The following CPQ variants were observed in gnomAD, a reference collection of about 807,000 sequenced individuals.
CPQ encodes the protein carboxypeptidase Q.
Under a neutral mutation model 45.7 loss-of-function variants are expected in CPQ, and 37 were observed. The ratio of observed to expected loss-of-function variants is 0.81; its 90% CI spans 0.62 to 1.07. CPQ has a LOEUF of 1.07. CPQ is among the 50% of genes least tolerant of loss of function. The probability of loss-of-function intolerance (pLI) is 0.00; values close to 1 mark genes in which losing one functional copy is unlikely to be tolerated. For synonymous variants in CPQ, 186 were observed against 205.8 expected (o/e 0.90, Z 0.82); for missense variants, 537 against 572.9 (o/e 0.94, Z 0.64).
chr8:96,667,806 C>A (rs1337094029), intron 1 of CPQ, among the ~76,000 whole-genome samples: 1 of 152,124 alleles, frequency 6.6e-6, no homozygotes, highest in Non-Finnish European at 1.5e-5. Context: ...TGTCTGAAGT[C>A]CTGTCTCTTA....
At chr8:96,856,229 G>T (rs1329564091) in intron 3 of CPQ, among the ~76,000 whole-genome samples, 2 of 152,226 alleles carry the variant, frequency 1.3e-5, no homozygotes. Context: ...GAGCAGGAAT[G>T]TTGTAAGAAG....
intron 3 of CPQ, among the ~76,000 whole-genome samples, chr8:96,874,190 C>T (rs1479737380): frequency 6.6e-6 from 1 of 151,748 alleles, no homozygotes; most frequent in Non-Finnish European, 1.5e-5. Context: ...TTTGCTTTTA[C>T]ACATCTCATA....
In CPQ at chr8:96,955,595, G is replaced by A. The variant is rs996098578; in HGVS notation, c.850-10340G>A. Among the ~76,000 whole-genome samples the A allele has an allele frequency of 1.3e-5, 2 of 152,218 alleles. 1 individual carries two copies. On this transcript the variant is annotated intron_variant, in intron 4 of 7. Coordinates refer to ENST00000220763, the MANE Select transcript of CPQ (RefSeq NM_016134.4). ...ATCCTAAGCCAAAAGAACAAAGCTG[G>A]AGGCATCACGCTACCTGACTTCAAA...
At chr8:96,672,251 G>A (rs1057418741) in intron 1 of CPQ, among the ~76,000 whole-genome samples, 1 of 152,140 alleles carries the variant, frequency 6.6e-6, no homozygotes, top group Non-Finnish European at 1.5e-5. Flanking sequence ...CCATGGGAAT[G>A]GTGTCCTGTG....
At chr8:97,064,546 A>G (rs756193674) in intron 6 of CPQ, among the ~76,000 whole-genome samples, 2 of 152,192 alleles carry the variant, frequency 1.3e-5, no homozygotes, top group Admixed American at 6.6e-5. Flanking sequence ...TGAGAGCAGA[A>G]ATATGAACAG....
rs569029823 is a variant in CPQ, at chr8:96,709,647, A to C, written c.-35+64245A>C. Among the ~76,000 whole-genome samples, 290 of 152,238 alleles carry C rather than the reference A, an allele frequency of 1.9e-3. 2 individuals carry two copies. The highest frequency in any genetic ancestry group is 6.8e-3 in the African/African-American group (284 of 41,570). Reference sequence around the variant, plus strand: ...GATTGCTGGGTATCTACTTTACTGCATACTCATTTATTCTGAGTACACATA... The same window carrying C: ...GATTGCTGGGTATCTACTTTACTGCCTACTCATTTATTCTGAGTACACATA... On this transcript the variant is annotated intron_variant, in intron 1 of 7. Transcript: ENST00000220763.
At chr8:96,651,117 A>G (rs886612205) in intron 1 of CPQ, among the ~76,000 whole-genome samples, 1 of 152,220 alleles carries the variant, frequency 6.6e-6, no homozygotes, top group Non-Finnish European at 1.5e-5. Flanking sequence ...ACCATTTAAA[A>G]TACAATGGAC....
rs192904632 is a variant in CPQ at position 97,085,606 on chromosome 8, A to G, written c.1255+19396A>G. 1.4e-4 allele frequency among the ~76,000 whole-genome samples: 21 copies of G among 152,228 alleles called. No homozygotes were observed. In the East Asian group the frequency reaches 3.7e-3, roughly 27 times the overall value. On this transcript the variant is annotated intron_variant, in intron 7 of 7. Transcript: ENST00000220763. ...ACCCAGAATATTGACCATTTTTCCT[A>G]TTTTCATCCAAATATTTAATATTGG...
intron 1 of CPQ, among the ~76,000 whole-genome samples, chr8:96,731,415 C>A (rs894026592): frequency 1.3e-5 from 2 of 152,160 alleles, no homozygotes; most frequent in Non-Finnish European, 2.9e-5. Flanking sequence ...TTGGTTTAAT[C>A]TGGGAACTTC....
At chr8:97,133,231 T>C (rs1057355257) in intron 7 of CPQ, 1 of 152,188 alleles carries the variant, frequency 6.6e-6, no homozygotes, top group Non-Finnish European at 1.5e-5. Flanking sequence ...TGTAAATACA[T>C]ATATGTAATT....
intron 5 of CPQ, among the ~76,000 whole-genome samples, chr8:97,007,910 C>T (rs73695754): frequency 0.024 from 3,689 of 152,154 alleles, 104 homozygotes; most frequent in African/African-American, 0.066. Flanking sequence ...AAACTCACTG[C>T]GGTATAATTA....
intron 3 of CPQ, among the ~76,000 whole-genome samples, chr8:96,855,998 T>A (rs1360619365): frequency 6.6e-6 from 1 of 152,134 alleles, no homozygotes; most frequent in East Asian, 1.9e-4. Flanking sequence ...GTTCTGGGAC[T>A]GAAAGAAAGC....
intron 1 of CPQ, among the ~76,000 whole-genome samples, chr8:96,719,447 G>T (rs934081921): frequency 1.3e-5 from 2 of 152,282 alleles, no homozygotes; most frequent in Admixed American, 1.3e-4. Context: ...ACGCAGTCCC[G>T]GTTGCCACTC....
At chr8:97,119,835 A>G (rs1428786989) in intron 7 of CPQ, among the ~76,000 whole-genome samples, 1 of 152,174 alleles carries the variant, frequency 6.6e-6, no homozygotes, top group Admixed American at 6.5e-5. Context: ...AACATTTACA[A>G]GACATGAACT....
chr8:96,906,573 A>G (rs1812580453), intron 4 of CPQ, among the ~76,000 whole-genome samples: 1 of 152,224 alleles, frequency 6.6e-6, no homozygotes, highest in African/African-American at 2.4e-5. Context: ...CATAGCTTAT[A>G]TACAACAGAA....
At chr8:96,785,395 T>C (rs1361222062) in intron 2 of CPQ, 65 bp downstream of exon 2, 1 of 1,241,304 alleles carries the variant, frequency 8.1e-7, no homozygotes, top group Non-Finnish European at 1.1e-6. Flanking sequence ...TGTAATTGAG[T>C]ACAATATGCA....
At position 96,787,525 on chromosome 8, in the gene CPQ, C is replaced by CTT. The variant is rs71267281; in HGVS notation, c.433+2224_433+2225dup. ...TTGTAGTTTCATTTTCTTATAATGT[C>CTT]TTTTTTTTTTTTTTTTTTTTTTTTT... On this transcript the variant is annotated intron_variant, in intron 2 of 7. Transcript: ENST00000220763. 1.6e-3 allele frequency among the ~76,000 whole-genome samples: 74 copies of CTT among 47,586 alleles called. 18 individuals are homozygous for CTT. Among genetic ancestry groups the CTT allele is most frequent in the African/African-American group, 5.0e-3 (62 of 12,402 alleles). 31.2% of individuals were successfully genotyped at this position (47,586 alleles called of 152,430 possible). A position where few individuals can be genotyped will look rare whatever the true frequency, so the allele number is the denominator to read the frequency against.
intron 5 of CPQ, among the ~76,000 whole-genome samples, chr8:96,990,664 C>T (rs1809078056): frequency 6.6e-6 from 1 of 152,174 alleles, no homozygotes; most frequent in African/African-American, 2.4e-5. Context: ...TAATTCCTAT[C>T]ATTGTTGGGA....
At chr8:96,922,160 T>G (rs1812817840) in intron 4 of CPQ, among the ~76,000 whole-genome samples, 1 of 152,204 alleles carries the variant, frequency 6.6e-6, no homozygotes, top group African/African-American at 2.4e-5. Flanking sequence ...TATGCAACTT[T>G]AAGTTACTGG....
Sources: allele counts gnomAD v4.1 joint callset (sites outside exome capture counted in the v4.1 genomes callset), GRCh38; gene constraint gnomAD v4.1.1; transcripts MANE v1.5; gene names NCBI Gene and HGNC (gene_info 2026-07-23, HGNC 2026-07-21).